The following FILIP1L variants were observed in gnomAD, a reference collection of about 807,000 sequenced individuals.
FILIP1L encodes the protein filamin A-interacting protein 1-like.
A neutral mutation model predicts 96.6 loss-of-function variants in FILIP1L; 55 were observed. That is an observed-to-expected ratio of 0.57 (90% confidence interval 0.46 to 0.71). The LOEUF is 0.71. Ranked by LOEUF, FILIP1L falls within the 30% of genes least tolerant of loss-of-function variation. The pLI, the probability that FILIP1L is intolerant of heterozygous loss-of-function variation, is 0.00. For synonymous variants in FILIP1L, 467 were observed against 473.9 expected, an observed-to-expected ratio of 0.99 and a Z score of 0.19; for missense variants, 1,304 against 1,321.2, an observed-to-expected ratio of 0.99 and a Z score of 0.20.
intron 1 of FILIP1L, among the ~76,000 whole-genome samples, chr3:99,933,930 C>T (rs572681786): frequency 1.3e-5 from 2 of 152,286 alleles, no homozygotes; most frequent in East Asian, 3.9e-4. Context: ...ATAACAATGG[C>T]TCAGAATTCT....
intron 1 of FILIP1L, among the ~76,000 whole-genome samples, chr3:99,948,396 G>A (rs548502790): frequency 1.4e-4 from 21 of 151,790 alleles, no homozygotes; most frequent in Non-Finnish European, 2.4e-4. Context: ...AAATTAGCTC[G>A]GTAGGGTGAT....
At chr3:99,976,647 T>A (rs4928233) in intron 1 of FILIP1L, among the ~76,000 whole-genome samples, 30,752 of 152,102 alleles carry the variant, frequency 0.2, 3,368 homozygotes, top group African/African-American at 0.29. Flanking sequence ...ATCTTTTTTT[T>A]AAACTGTTTA....
chr3:100,020,396 A>G (rs1382432996), intron 1 of FILIP1L, among the ~76,000 whole-genome samples: 1 of 152,222 alleles, frequency 6.6e-6, no homozygotes, highest in African/African-American at 2.4e-5. Flanking sequence ...TGTTTGCACT[A>G]GAAAGCCAAA....
At chr3:99,869,835 G>A (rs1944700921) in intron 4 of FILIP1L, among the ~76,000 whole-genome samples, 1 of 152,182 alleles carries the variant, frequency 6.6e-6, no homozygotes, top group Non-Finnish European at 1.5e-5. Context: ...TTCCAGGACT[G>A]GTGGGCCATG....
intron 1 of FILIP1L, among the ~76,000 whole-genome samples, chr3:100,006,692 G>A (rs1709997390): frequency 6.6e-6 from 1 of 151,412 alleles, no homozygotes; most frequent in Non-Finnish European, 1.5e-5. Flanking sequence ...GTTGCACTCA[G>A]CCCTTAGCAT....
At chr3:99,983,476 A>ATATGTGTATGTGTG (rs1709224540) in intron 1 of FILIP1L, among the ~76,000 whole-genome samples, 43 of 16,610 alleles carry the variant, frequency 2.6e-3, no homozygotes, top group Non-Finnish European at 4.6e-3. Flanking sequence ...ATATATATAT[A>ATATGTGTATGTGTG]TATATATATA....
intron 1 of FILIP1L, among the ~76,000 whole-genome samples, chr3:100,094,005 G>A (rs949418631): frequency 2.6e-5 from 4 of 152,136 alleles, no homozygotes; most frequent in Admixed American, 1.3e-4. Flanking sequence ...GGTTCATATG[G>A]TAGTTTTATA....
intron 1 of FILIP1L, chr3:100,011,581 T>G (rs1200149014): frequency 1.3e-5 from 2 of 152,218 alleles, no homozygotes; most frequent in African/African-American, 2.4e-5. Context: ...ATATTAGCAC[T>G]TATTGTTGCT....
chr3:99,927,718 A>G (rs1707340593), intron 3 of FILIP1L, among the ~76,000 whole-genome samples: 1 of 151,072 alleles, frequency 6.6e-6, no homozygotes, highest in East Asian at 1.9e-4. Context: ...ACCTTAGGCT[A>G]TTAATTTTTT....
chr3:99,953,721 A>G (rs1328894880), intron 1 of FILIP1L, among the ~76,000 whole-genome samples: 1 of 152,224 alleles, frequency 6.6e-6, no homozygotes, highest in East Asian at 1.9e-4. Context: ...TTCATAGATA[A>G]TGAAACCACA....
intron 4 of FILIP1L, chr3:99,898,768 A>G (rs1706343229): frequency 6.7e-6 from 1 of 149,282 alleles, no homozygotes; most frequent in Non-Finnish European, 1.5e-5. Flanking sequence ...TCCATCTAAA[A>G]AAAAAAAAAA....
chr3:100,071,314 G>C (rs2107373892), intron 1 of FILIP1L, among the ~76,000 whole-genome samples: 1 of 152,190 alleles, frequency 6.6e-6, no homozygotes, highest in East Asian at 1.9e-4. Context: ...ACATCAAGAA[G>C]ACAGTAAGGG....
intron 1 of FILIP1L, among the ~76,000 whole-genome samples, chr3:99,956,256 C>T (rs1439681993): frequency 6.6e-6 from 1 of 152,158 alleles, no homozygotes; most frequent in East Asian, 1.9e-4. Flanking sequence ...GCTTTCCTTC[C>T]TCTGCCCCCA....
chr3:99,947,157 A>AAG (rs1708036211), intron 1 of FILIP1L, among the ~76,000 whole-genome samples: 1 of 150,546 alleles, frequency 6.6e-6, no homozygotes, highest in Admixed American at 6.6e-5. Flanking sequence ...AAAAAAAAAA[A>AAG]GTAATAATAT....
At chr3:99,964,111 G>A (rs1244565210) in intron 1 of FILIP1L, among the ~76,000 whole-genome samples, 1 of 151,964 alleles carries the variant, frequency 6.6e-6, no homozygotes, top group African/African-American at 2.4e-5. Context: ...TCGTTCTGTG[G>A]TGCAGATTTA....
intron 3 of FILIP1L, among the ~76,000 whole-genome samples, chr3:99,924,958 A>C (rs1397223951): frequency 6.6e-6 from 1 of 152,158 alleles, no homozygotes; most frequent in Non-Finnish European, 1.5e-5. Context: ...CCCTGTGGGT[A>C]TCAACTGTTT....
intron 1 of FILIP1L, among the ~76,000 whole-genome samples, chr3:100,013,147 G>A (rs527617345): frequency 1.3e-5 from 2 of 152,192 alleles, no homozygotes; most frequent in Admixed American, 6.5e-5. Context: ...AAAGTGCTGG[G>A]ATTGTTGGCA....
At chr3:99,970,842 G>C (rs1391137710) in intron 1 of FILIP1L, among the ~76,000 whole-genome samples, 1 of 152,198 alleles carries the variant, frequency 6.6e-6, no homozygotes, top group Non-Finnish European at 1.5e-5. Flanking sequence ...GCAAAATGTT[G>C]TGAGGATATT....
intron 4 of FILIP1L, among the ~76,000 whole-genome samples, chr3:99,908,851 A>T (rs141511080): frequency 6.6e-6 from 1 of 152,170 alleles, no homozygotes; most frequent in African/African-American, 2.4e-5. Flanking sequence ...AGAATCTACC[A>T]TCTACAAAAA....
Sources: allele counts gnomAD v4.1 joint callset (sites outside exome capture counted in the v4.1 genomes callset), GRCh38; gene constraint gnomAD v4.1.1; transcripts MANE v1.5; gene names NCBI Gene and HGNC (gene_info 2026-07-23, HGNC 2026-07-21).